The following ROR1 variants were observed in gnomAD, a reference collection of about 807,000 sequenced individuals.
ROR1 encodes the protein ROR family WNT receptor 1, also known as inactive tyrosine-protein kinase transmembrane receptor ROR1.
Under a neutral mutation model 78.8 loss-of-function variants are expected in ROR1, and 19 were observed. The ratio of observed to expected loss-of-function variants is 0.24; its 90% confidence interval spans 0.17 to 0.35. ROR1 has a LOEUF of 0.35. Among genes scored for constraint, ROR1 ranks in the 10% least tolerant of loss-of-function variants. ROR1 has a pLI of 1.00. For synonymous variants in ROR1, 386 were observed against 433.6 expected, an observed-to-expected ratio of 0.89 and a Z score of 1.36; for missense variants, 917 against 1,177.8, an observed-to-expected ratio of 0.78 and a Z score of 3.24.
chr1:63,803,347 T>A (rs935608711), intron 1 of ROR1, among the ~76,000 whole-genome samples: 5 of 144,228 alleles, frequency 3.5e-5, no homozygotes, highest in Non-Finnish European at 6.1e-5. Flanking sequence ...CTCCATCAAA[T>A]TTTTTTTTTT....
At chr1:63,789,224 A>C (rs574331486) in intron 1 of ROR1, 56 of 594,400 alleles carry the variant, frequency 9.4e-5, no homozygotes, top group African/African-American at 7.7e-4. Context: ...CATTGGTTTC[A>C]TTGGGGTCCA....
At chr1:64,164,624 G>A (rs1650035302) in intron 8 of ROR1, among the ~76,000 whole-genome samples, 1 of 152,020 alleles carries the variant, frequency 6.6e-6, no homozygotes, top group Non-Finnish European at 1.5e-5. Context: ...TTAAGTTAAG[G>A]TGTACAAGGG....
At chr1:64,023,308 C>A (rs2100559078) in intron 2 of ROR1, among the ~76,000 whole-genome samples, 1 of 152,236 alleles carries the variant, frequency 6.6e-6, no homozygotes, top group South Asian at 2.1e-4. Flanking sequence ...CAGCCCTCAT[C>A]CTACTGAGAG....
intron 1 of ROR1, among the ~76,000 whole-genome samples, chr1:63,903,878 A>T (rs1285799107): frequency 6.6e-6 from 1 of 152,182 alleles, no homozygotes; most frequent in Non-Finnish European, 1.5e-5. Context: ...AAACGAAATA[A>T]TCATGAGACC....
intron 1 of ROR1, among the ~76,000 whole-genome samples, chr1:63,890,897 C>T (rs1645390498): frequency 6.6e-6 from 1 of 152,158 alleles, no homozygotes; most frequent in South Asian, 2.1e-4. Flanking sequence ...TGCCCGTTCT[C>T]ATCCAAATGT....
chr1:63,996,910 G>A (rs285370), intron 1 of ROR1, among the ~76,000 whole-genome samples: 106,760 of 151,986 alleles, frequency 0.7, 39,906 homozygotes, highest in East Asian at 0.94. Context: ...TTCTCTGCCC[G>A]AGTCTGGGTT....
chr1:64,050,737 T>C, intron 4 of ROR1, 21 bp downstream of exon 4: 1 of 1,611,676 alleles, frequency 6.2e-7, no homozygotes, highest in Non-Finnish European at 8.5e-7. Context: ...TTATCTCCTT[T>C]CTTGTCATTT....
At chr1:63,996,749 A>C (rs563885979) in intron 1 of ROR1, among the ~76,000 whole-genome samples, 7 of 152,152 alleles carry the variant, frequency 4.6e-5, no homozygotes, top group African/African-American at 1.7e-4. Context: ...TTGAATTAAC[A>C]GTGCGCTAGA....
chr1:63,966,953 T>G (rs575215917), intron 1 of ROR1, among the ~76,000 whole-genome samples: 1 of 152,352 alleles, frequency 6.6e-6, no homozygotes, highest in South Asian at 2.1e-4. Context: ...GCTTATATGC[T>G]TGCATTCTAC....
intron 1 of ROR1, among the ~76,000 whole-genome samples, chr1:63,901,607 G>GA (rs67734570): frequency 2.8e-4 from 41 of 147,366 alleles, no homozygotes; most frequent in African/African-American, 9.2e-4. Flanking sequence ...ATTTAATTTG[G>GA]AAAAAAAAAA....
At chr1:64,100,208 G>A (rs1363290984) in intron 4 of ROR1, among the ~76,000 whole-genome samples, 1 of 152,102 alleles carries the variant, frequency 6.6e-6, no homozygotes, top group African/African-American at 2.4e-5. Context: ...TTGACCATGT[G>A]TGGTGGCTCG....
At chr1:63,850,624 C>CAAAG in intron 1 of ROR1, among the ~76,000 whole-genome samples, 1 of 152,300 alleles carries the variant, frequency 6.6e-6, no homozygotes, top group East Asian at 1.9e-4. Flanking sequence ...GATGTTAGAG[C>CAAAG]AAAGACTGGA....
intron 1 of ROR1, among the ~76,000 whole-genome samples, chr1:63,974,138 T>C (rs2100500675): frequency 6.6e-6 from 1 of 152,222 alleles, no homozygotes; most frequent in South Asian, 2.1e-4. Flanking sequence ...ATTGTGAGGG[T>C]AGAATGGGGA....
At chr1:63,987,961 C>A (rs1646265505) in intron 1 of ROR1, among the ~76,000 whole-genome samples, 2 of 152,132 alleles carry the variant, frequency 1.3e-5, no homozygotes, top group South Asian at 4.1e-4. Flanking sequence ...CTGTGAAATA[C>A]AGTCTATTTA....
At chr1:63,812,532 G>T (rs963967060) in intron 1 of ROR1, among the ~76,000 whole-genome samples, 3 of 152,140 alleles carry the variant, frequency 2.0e-5, no homozygotes, top group African/African-American at 4.8e-5. Context: ...ATGAATGAAT[G>T]GATGAATGAA....
intron 2 of ROR1, among the ~76,000 whole-genome samples, chr1:64,041,618 T>TA (rs1646746182): frequency 1.3e-5 from 2 of 152,178 alleles, no homozygotes; most frequent in South Asian, 2.1e-4. Flanking sequence ...GAACCATTCT[T>TA]AATGTGTGTG....
At chr1:63,791,798 G>T (rs1352111411) in intron 1 of ROR1, among the ~76,000 whole-genome samples, 1 of 152,090 alleles carries the variant, frequency 6.6e-6, no homozygotes, top group East Asian at 1.9e-4. Context: ...GGAGGTAAAG[G>T]CTATAAAGTC....
intron 2 of ROR1, among the ~76,000 whole-genome samples, chr1:64,015,936 A>C (rs1646517301): frequency 6.6e-6 from 1 of 152,198 alleles, no homozygotes; most frequent in South Asian, 2.1e-4. Flanking sequence ...CTGGTGTATG[A>C]ATTAAATAAA....
rs370678774 is a variant in ROR1, at chr1:63,846,390, G to A, written c.91+71882G>A. 1.6e-4 allele frequency among the ~76,000 whole-genome samples: 25 copies of A among 152,156 alleles called. 1 individual carries two copies. Among genetic ancestry groups the A allele is most frequent in the Admixed American group, 9.8e-4 (15 of 15,268 alleles). On this transcript the variant is annotated intron_variant, in intron 1 of 8. Transcript: ENST00000371079. The stretch of plus-strand genomic sequence containing the variant: ...TGAGTAAATTCTTTGTATACTTGCT[G>A]TTTTCGATAACCTCAGCCCAAGACT...
Sources: allele counts gnomAD v4.1 joint callset (sites outside exome capture counted in the v4.1 genomes callset), GRCh38; gene constraint gnomAD v4.1.1; transcripts MANE v1.5; gene names NCBI Gene and HGNC (gene_info 2026-07-23, HGNC 2026-07-21).